The following PLGRKT variants were observed in gnomAD, a reference collection of about 807,000 sequenced individuals.
PLGRKT encodes plasminogen receptor with a C-terminal lysine, also known as plasminogen receptor (KT).
In PLGRKT, 22 loss-of-function variants were observed where a neutral mutation model predicts 18.5. The ratio of observed to expected loss-of-function variants is 1.19; its 90% CI spans 0.85 to 1.70. The LOEUF (loss-of-function observed/expected upper bound fraction) is 1.70, where lower values mean the gene tolerates loss of function less well. Ranked by LOEUF, PLGRKT falls within the 40% of genes most tolerant of loss-of-function variation. The probability of loss-of-function intolerance (pLI) is 0.00; values close to 1 mark genes in which losing one functional copy is unlikely to be tolerated. For missense variants in PLGRKT, 235 were observed against 174.4 expected, an observed-to-expected ratio of 1.35 and a Z score of -1.96; for synonymous variants, 72 against 52.8, an observed-to-expected ratio of 1.36 and a Z score of -1.58.
chr9:5,431,353 G>A (rs1818818822), intron 3 of PLGRKT, among the ~76,000 whole-genome samples: 1 of 152,018 alleles, frequency 6.6e-6, no homozygotes, highest in Non-Finnish European at 1.5e-5. Context: ...GGCCAACATG[G>A]TGAAACCTTG....
chr9:5,395,586 G>C (rs1214347352), intron 3 of PLGRKT, among the ~76,000 whole-genome samples: 1 of 151,844 alleles, frequency 6.6e-6, no homozygotes, highest in East Asian at 1.9e-4. Context: ...GGTGAAACAA[G>C]CATTAAACTT....
At chr9:5,386,507 A>C (rs565535831) in intron 3 of PLGRKT, among the ~76,000 whole-genome samples, 1 of 151,832 alleles carries the variant, frequency 6.6e-6, no homozygotes, top group Non-Finnish European at 1.5e-5. Flanking sequence ...CACACACACA[A>C]CAAAACAATT....
At position 5,387,704 on chromosome 9, in the gene PLGRKT, G is replaced by C. The variant is rs904317808; in HGVS notation, c.82-25816C>G. Among the ~76,000 whole-genome samples, 23 of 151,786 alleles carry C rather than the reference G, an allele frequency of 1.5e-4. 1 individual carries two copies. The highest frequency in any genetic ancestry group is 5.6e-4 in the African/African-American group (23 of 41,124). The stretch of plus-strand genomic sequence containing the variant: ...GGGAATGATCTATCTTTTGATCTGG[G>C]TGTTAAGTACACAGGAATAAACATC... On this transcript the variant is annotated intron_variant, in intron 3 of 5. Transcript: ENST00000223864.
chr9:5,365,245 AT>A (rs1817360110), intron 3 of PLGRKT, among the ~76,000 whole-genome samples: 1 of 152,226 alleles, frequency 6.6e-6, no homozygotes, highest in Non-Finnish European at 1.5e-5. Context: ...TAAAATAATA[AT>A]AATGATGATG....
intron 3 of PLGRKT, among the ~76,000 whole-genome samples, chr9:5,397,669 TG>T (rs386732033): frequency 2.5e-4 from 37 of 150,840 alleles, no homozygotes; most frequent in African/African-American, 8.8e-4. Flanking sequence ...GTCAGTGGCT[TG>T]GAGGCATCTG....
intron 3 of PLGRKT, among the ~76,000 whole-genome samples, chr9:5,409,400 A>G (rs1818317796): frequency 6.6e-6 from 1 of 152,142 alleles, no homozygotes; most frequent in African/African-American, 2.4e-5. Flanking sequence ...CCCGTGCTGG[A>G]TGCTTCCTGA....
intron 3 of PLGRKT, among the ~76,000 whole-genome samples, chr9:5,424,713 GGAGAGACAGA>G (rs1818662164): frequency 8.4e-6 from 1 of 118,874 alleles, no homozygotes. Flanking sequence ...GGGGAGAGAG[GGAGAGACAGA>G]GAGAGAGAGA....
chr9:5,413,364 C>G (rs565109154), intron 3 of PLGRKT, among the ~76,000 whole-genome samples: 1 of 152,146 alleles, frequency 6.6e-6, no homozygotes, highest in African/African-American at 2.4e-5. Flanking sequence ...ATCCTCAGAA[C>G]CTGTGAATGT....
At chr9:5,362,329 A>G (rs904443424) in intron 3 of PLGRKT, among the ~76,000 whole-genome samples, 4 of 152,170 alleles carry the variant, frequency 2.6e-5, no homozygotes, top group African/African-American at 7.2e-5. Context: ...GCTCCATATC[A>G]TACCACAATA....
Position 5,399,823 on chromosome 9 carries a change from C to T in PLGRKT, c.81+32074G>A, listed in dbSNP as rs149395946. ...TGGCCAACATGGCTAAACTACGTCG[C>T]TACTAAAAATACCAAAAATTAGCCA... On this transcript the variant is annotated intron_variant, in intron 3 of 5. Coordinates refer to ENST00000223864, the MANE Select transcript of PLGRKT (RefSeq NM_018465.4). 2.7e-3 allele frequency among the ~76,000 whole-genome samples: 409 copies of T among 151,580 alleles called. 10 individuals are homozygous for T. The highest frequency in any genetic ancestry group is 9.6e-3 in the African/African-American group (395 of 41,048).
At chr9:5,391,233 G>C (rs1263552077) in intron 3 of PLGRKT, among the ~76,000 whole-genome samples, 1 of 151,976 alleles carries the variant, frequency 6.6e-6, no homozygotes, top group Non-Finnish European at 1.5e-5. Context: ...TTTGTGCTAA[G>C]TCAAAATAAG....
At position 5,418,872 on chromosome 9, in the gene PLGRKT, T is replaced by G. The variant is rs1586739181; in HGVS notation, c.81+13025A>C. 2.0e-6 allele frequency: 2 copies of G among 1,023,770 alleles called. No homozygotes were observed. The highest frequency in any genetic ancestry group is 5.1e-5 in the East Asian group (2 of 39,488). The allele number at this position is 1,023,770 out of a possible 1,614,324, so 63.4% of individuals were successfully genotyped here. A position where few individuals can be genotyped will look rare whatever the true frequency, so the allele number is the denominator to read the frequency against. On this transcript the variant is annotated intron_variant, in intron 3 of 5. Coordinates refer to ENST00000223864, the MANE Select transcript of PLGRKT (RefSeq NM_018465.4). This position sits in a 1 kb window ranked among gnomAD's most constrained non-coding sequence, Gnocchi z 4.2. Reference sequence around the variant, plus strand: ...TGGTCCTCGTCTGCTGGAGGCAAACTGAACAGCAGGTGTGCTTGCAATCCA... The same window carrying G: ...TGGTCCTCGTCTGCTGGAGGCAAACGGAACAGCAGGTGTGCTTGCAATCCA...
intron 3 of PLGRKT, among the ~76,000 whole-genome samples, chr9:5,370,827 G>A (rs563106901): frequency 6.6e-6 from 1 of 152,280 alleles, no homozygotes; most frequent in South Asian, 2.1e-4. Flanking sequence ...TGAAAGCTGT[G>A]GCAAGTGGCA....
chr9:5,408,403 G>A (rs115793953), intron 3 of PLGRKT, among the ~76,000 whole-genome samples: 1 of 152,294 alleles, frequency 6.6e-6, no homozygotes, highest in African/African-American at 2.4e-5. Flanking sequence ...CCCTGCCAAG[G>A]GATATGCGCA....
chr9:5,378,273 G>A (rs1458898145), intron 3 of PLGRKT, among the ~76,000 whole-genome samples: 4 of 152,196 alleles, frequency 2.6e-5, no homozygotes, highest in Admixed American at 2.0e-4. Context: ...AAAGAATGCA[G>A]CCCAAGCGAT....
chr9:5,395,417 C>T (rs1818025680), intron 3 of PLGRKT, among the ~76,000 whole-genome samples: 1 of 151,718 alleles, frequency 6.6e-6, no homozygotes, highest in African/African-American at 2.4e-5. Flanking sequence ...CAATTCTGGA[C>T]TTCAATTCTG....
chr9:5,403,270 C>T (rs1284469991), intron 3 of PLGRKT, among the ~76,000 whole-genome samples: 1 of 146,922 alleles, frequency 6.8e-6, no homozygotes, highest in African/African-American at 2.6e-5. Context: ...GTTGCCCAAG[C>T]TGGAGTACAA....
At chr9:5,423,784 C>A (rs1042483634) in intron 3 of PLGRKT, among the ~76,000 whole-genome samples, 3 of 150,514 alleles carry the variant, frequency 2.0e-5, no homozygotes, top group Non-Finnish European at 4.4e-5. Context: ...TCACTGCAAC[C>A]CTGACCCCCC....
chr9:5,433,793 T>A (rs2104174), intron 2 of PLGRKT, among the ~76,000 whole-genome samples: 1 of 99,984 alleles, frequency 1.0e-5, no homozygotes, highest in Non-Finnish European at 2.0e-5. Flanking sequence ...TGCCTCTGCC[T>A]GGCTGCCCCG....
Sources: allele counts gnomAD v4.1 joint callset (sites outside exome capture counted in the v4.1 genomes callset), GRCh38; gene constraint gnomAD v4.1.1; non-coding constraint Gnocchi (gnomAD v3.1); transcripts MANE v1.5; gene names NCBI Gene and HGNC (gene_info 2026-07-23, HGNC 2026-07-21).